Variants in PPP1R21 observed in about 807,000 individuals in gnomAD.
PPP1R21 encodes the protein protein phosphatase 1 regulatory subunit 21, also known as KLRAQ motif containing 1.
A neutral mutation model predicts 112.8 loss-of-function variants in PPP1R21; 85 were observed. That is an observed-to-expected ratio of 0.75 (90% CI 0.63 to 0.90). PPP1R21 has a LOEUF of 0.90. Ranked by LOEUF, PPP1R21 falls within the 40% of genes least tolerant of loss-of-function variation. The pLI is 0.00. For synonymous variants in PPP1R21, 381 were observed against 322.3 expected (o/e 1.18, Z -1.95); for missense variants, 1,199 against 901.5 (o/e 1.33, Z -4.23).
chr2:48,474,365 G>A (rs1406453704), intron 11 of PPP1R21, among the ~76,000 whole-genome samples: 1 of 152,214 alleles, frequency 6.6e-6, no homozygotes, highest in Non-Finnish European at 1.5e-5. Context: ...TCTGGAGACA[G>A]TGAGAGACTC....
intron 7 of PPP1R21, among the ~76,000 whole-genome samples, chr2:48,462,733 GAGA>G (rs1668030675): frequency 1.3e-5 from 2 of 152,180 alleles, no homozygotes; most frequent in Admixed American, 1.3e-4. Flanking sequence ...GGGGTTGTTG[GAGA>G]AGTTTTTGAG....
chr2:48,448,298 C>G (rs1228961023), intron 1 of PPP1R21, among the ~76,000 whole-genome samples: 1 of 152,086 alleles, frequency 6.6e-6, no homozygotes, highest in Non-Finnish European at 1.5e-5. Context: ...TTGTTATAAT[C>G]AGTTATATTA....
chr2:48,469,509 CATATATATATATATAT>C (rs374280494), intron 9 of PPP1R21, among the ~76,000 whole-genome samples: 5 of 59,300 alleles, frequency 8.4e-5, no homozygotes, highest in South Asian at 1.1e-3. Context: ...ATATATAGAG[CATATATATATATATAT>C]ATATATATAT....
At position 48,458,877 on chromosome 2, in the gene PPP1R21, G is replaced by A. The variant is rs533391528; in HGVS notation, c.375+650G>A. ...GGAGGCCAAGGTGGGCGGATCACGA[G>A]GTCAGGAGATCGAGACCATCCTGGC... On this transcript the variant is annotated intron_variant, in intron 4 of 21. Transcript: ENST00000294952. 3.9e-5 allele frequency among the ~76,000 whole-genome samples: 6 copies of A among 152,060 alleles called. No homozygotes were observed. In the South Asian group the frequency reaches 1.0e-3, roughly 26 times the overall value.
At chr2:48,456,119 G>A (rs1667715924) in intron 3 of PPP1R21, among the ~76,000 whole-genome samples, 1 of 151,826 alleles carries the variant, frequency 6.6e-6, no homozygotes, top group Admixed American at 6.6e-5. Context: ...TACGAGGCCA[G>A]TTTGGTGTTC....
In PPP1R21 at chr2:48,465,002, G is replaced by C. The variant is rs1668138833; in HGVS notation, c.747+13G>C. On this transcript the variant is annotated intron_variant, in intron 8 of 21. Transcript: ENST00000294952. The stretch of plus-strand genomic sequence containing the variant: ...TAGGAGACACCAGGTAAAGGATGAA[G>C]TACATGTTTTTATTTTCAGTTATAT... 1 of 1,553,926 alleles carries C rather than the reference G, an allele frequency of 6.4e-7. No homozygotes were observed. The highest frequency in any genetic ancestry group is 2.3e-5 in the Admixed American group (1 of 43,314).
chr2:48,456,317 A>G lies in PPP1R21; in HGVS notation c.273+1576A>G, dbSNP rs1667725569. ...TTTAAGTCTTGTATGTATATAGACT[A>G]ACACTCCACAAATGTATGTATTGAG... is the stretch of plus-strand genomic sequence containing the variant. On this transcript the variant is annotated intron_variant, in intron 3 of 21. Transcript: ENST00000294952. Among the ~76,000 whole-genome samples, 3 of 151,628 alleles carry G rather than the reference A, an allele frequency of 2.0e-5. No homozygotes were observed. In the South Asian group the frequency reaches 6.2e-4, roughly 31 times the overall value.
intron 18 of PPP1R21, among the ~76,000 whole-genome samples, chr2:48,507,029 C>T (rs1029700236): frequency 2.0e-5 from 3 of 151,394 alleles, no homozygotes; most frequent in East Asian, 1.9e-4. Flanking sequence ...CCCATTACTT[C>T]AGTTCTGTTT....
At chr2:48,462,932 G>C (rs1668039398) in intron 7 of PPP1R21, among the ~76,000 whole-genome samples, 1 of 152,164 alleles carries the variant, frequency 6.6e-6, no homozygotes, top group Admixed American at 6.5e-5. Context: ...GAGCAGACTG[G>C]TCCTTTCAAG....
chr2:48,473,751 T>C (rs1370124783), intron 11 of PPP1R21, among the ~76,000 whole-genome samples: 1 of 146,786 alleles, frequency 6.8e-6, no homozygotes, highest in Non-Finnish European at 1.5e-5. Context: ...TCTAAAAACC[T>C]TTTTTTTTTG....
Position 48,498,573 on chromosome 2 carries a change from C to A in PPP1R21, c.1773C>A (p.Ile591=). The part of the protein sequence containing the change: ...HWMLEAQLAK[I]KLEKENQRIA... ...TGTTGGAAGCACAATTAGCCAAAAT[C>A]AAGCTAGAGAAAGAAAACCAGCGAA... Residue 591 remains isoleucine (I), a synonymous_variant, in exon 17 of 22, where the codon ATC becomes ATA. Coordinates refer to ENST00000294952, the MANE Select transcript of PPP1R21 (RefSeq NM_001135629.3). 6.2e-7 allele frequency: 1 copy of A among 1,614,156 alleles called. No homozygotes were observed. Among genetic ancestry groups the A allele is most frequent in the Non-Finnish European group, 8.5e-7 (1 of 1,180,016 alleles).
chr2:48,471,435 A>G (rs1668491851), intron 11 of PPP1R21, 68 bp downstream of exon 11: 1 of 1,440,982 alleles, frequency 6.9e-7, no homozygotes, highest in Admixed American at 2.3e-5. Context: ...TGGCGTTAAT[A>G]AAATATTAAC....
chr2:48,507,481 A>C, intron 19 of PPP1R21, 96 bp downstream of exon 19: 4 of 1,514,190 alleles, frequency 2.6e-6, no homozygotes, highest in Non-Finnish European at 3.5e-6. Flanking sequence ...GTAAGAGAGA[A>C]GTCAGTGTCC....
rs904925961 is a variant in PPP1R21, at chr2:48,463,786, C to T, written c.695-1151C>T. ...TCAGAAGCAGAAGGGCCCAGGAGGA[C>T]GGTTAGCTGAGGAAAGGATATGCAA... On this transcript the variant is annotated intron_variant, in intron 7 of 21. Coordinates refer to ENST00000294952, the MANE Select transcript of PPP1R21 (RefSeq NM_001135629.3). 8.6e-5 allele frequency among the ~76,000 whole-genome samples: 13 copies of T among 151,352 alleles called. 1 individual carries two copies. The highest frequency in any genetic ancestry group is 4.6e-4 in the Admixed American group (7 of 15,188).
At chr2:48,451,199 C>A in intron 2 of PPP1R21, 123 bp downstream of exon 2, 1 of 701,268 alleles carries the variant, frequency 1.4e-6, no homozygotes, top group Non-Finnish European at 2.6e-6. Flanking sequence ...GGATAGGGGA[C>A]AGTAATACAG....
chr2:48,443,756 C>G (rs1231058640), intron 1 of PPP1R21, among the ~76,000 whole-genome samples: 1 of 152,250 alleles, frequency 6.6e-6, no homozygotes, highest in Non-Finnish European at 1.5e-5. Flanking sequence ...GATCTATGCT[C>G]TCTCCAGTCC....
chr2:48,495,855 G>C (rs78373988), intron 16 of PPP1R21, 84 bp downstream of exon 16: 63,880 of 763,406 alleles, frequency 0.084, 3,620 homozygotes, highest in Non-Finnish European at 0.11. Flanking sequence ...TACGTAGAAT[G>C]ATTCAAAAGT....
In PPP1R21 at chr2:48,464,950, C is replaced by T. The variant is rs756332887; in HGVS notation, c.708C>T (p.Tyr236=). Residue 236 remains tyrosine, a synonymous_variant, in exon 8 of 22, where the codon TAC becomes TAT. Transcript: ENST00000294952. ...TTTCTTCTGTAGAATATAGTCAGTA[C>T]AACGCTCTGAACGTTCCACTCCACA... The part of the protein sequence containing the change: ...VPFNDTKYSQ[Y]NALNVPLHNR... 1.2e-5 allele frequency: 18 copies of T among 1,563,012 alleles called. No individual in the cohort carries two copies. Among genetic ancestry groups the T allele is most frequent in the Admixed American group, 1.1e-4 (5 of 44,178 alleles).
intron 7 of PPP1R21, among the ~76,000 whole-genome samples, chr2:48,463,924 G>A (rs958455261): frequency 2.0e-5 from 3 of 152,100 alleles, no homozygotes; most frequent in Non-Finnish European, 2.9e-5. Flanking sequence ...GAGAGGAGAG[G>A]AGGAATGGTA....
Sources: gnomAD v4.1 joint callset for allele counts (sites outside exome capture counted in the v4.1 genomes callset) on GRCh38, gnomAD v4.1.1 for gene constraint, MANE v1.5 for transcripts, NCBI Gene and HGNC (gene_info 2026-07-23, HGNC 2026-07-21) for gene names.